The following HERC4 variants were observed in gnomAD, a reference collection of about 807,000 sequenced individuals.
The protein encoded by HERC4 is probable E3 ubiquitin-protein ligase HERC4.
In HERC4, 28 loss-of-function variants were observed where a neutral mutation model predicts 124.3. That is an observed-to-expected ratio of 0.23 (90% CI 0.17 to 0.31). The LOEUF (loss-of-function observed/expected upper bound fraction) is 0.31. Among genes scored for constraint, HERC4 ranks in the 10% least tolerant of loss-of-function variants. HERC4 has a pLI of 1.00. For synonymous variants in HERC4, 407 were observed against 421.5 expected (o/e 0.97, Z 0.42); for missense variants, 713 against 1,229.3 (o/e 0.58, Z 6.28).
intron 3 of HERC4, among the ~76,000 whole-genome samples, chr10:68,046,745 T>A (rs2040030400): frequency 6.6e-6 from 1 of 152,268 alleles, no homozygotes; most frequent in East Asian, 1.9e-4. Context: ...GGTGGGAGGA[T>A]CACTTGAACC....
At chr10:67,962,568 T>A (rs2034593246) in intron 16 of HERC4, among the ~76,000 whole-genome samples, 1 of 151,816 alleles carries the variant, frequency 6.6e-6, no homozygotes, top group South Asian at 2.1e-4. Flanking sequence ...AGAGAGATGA[T>A]TAGACATTAG....
At chr10:67,927,428 ATATT>A (rs1295909999) in intron 23 of HERC4, among the ~76,000 whole-genome samples, 8 of 25,626 alleles carry the variant, frequency 3.1e-4, no homozygotes, top group Non-Finnish European at 9.3e-4. Context: ...ATATATATAT[ATATT>A]TTTTTTTTTT....
At chr10:67,996,988 GA>G (rs781121549) in intron 9 of HERC4, among the ~76,000 whole-genome samples, 3 of 143,394 alleles carry the variant, frequency 2.1e-5, no homozygotes, top group African/African-American at 5.4e-5. Context: ...ACTCCGTCTC[GA>G]AAAAAAAAAG....
At chr10:67,939,693 AT>A (rs1564930196) in intron 20 of HERC4, 39 bp from the exon 21 acceptor site, 1 of 1,270,688 alleles carries the variant, frequency 7.9e-7, no homozygotes, top group South Asian at 1.3e-5. Context: ...GGAAAAAATT[AT>A]TGGATATTTT....
chr10:67,956,894 G>T lies in HERC4; in HGVS notation c.2009C>A (p.Ala670Glu). The T allele has an allele frequency of 6.3e-7, 1 of 1,579,812 alleles. No individual in the cohort carries two copies. Among genetic ancestry groups the T allele is most frequent in the Non-Finnish European group, 8.6e-7 (1 of 1,163,716 alleles). ...QAKTTLLQTDAVLQMQMAIDQ... is the reference protein window; with the variant it reads ...QAKTTLLQTDEVLQMQMAIDQ... ...ATATTTTACCTGCATCTGTAAGACTGCATCGGTCTGTAACAGAGTAGTTTT... is the reference window on the plus strand; with the variant it reads ...ATATTTTACCTGCATCTGTAAGACTTCATCGGTCTGTAACAGAGTAGTTTT... Residue 670 changes from alanine (A) to glutamate (E), a missense_variant, in exon 17 of 25, where the codon GCA becomes GAA. Transcript: ENST00000373700.
chr10:67,976,651 G>A (rs540263729), intron 15 of HERC4, among the ~76,000 whole-genome samples: 50 of 152,182 alleles, frequency 3.3e-4, no homozygotes, highest in African/African-American at 1.2e-3. Context: ...CTGAAAAAAA[G>A]AGATACAAAA....
At chr10:68,060,516 G>A (rs2040951002) in intron 3 of HERC4, among the ~76,000 whole-genome samples, 1 of 152,134 alleles carries the variant, frequency 6.6e-6, no homozygotes, top group Admixed American at 6.5e-5. Context: ...TGGGAATACA[G>A]GCGTGAGCCA....
chr10:67,974,125 CACAG>C lies in HERC4; in HGVS notation c.1807-7327_1807-7324del, dbSNP rs1215135757. 1.2e-4 allele frequency among the ~76,000 whole-genome samples: 17 copies of C among 137,886 alleles called. No individual in the cohort carries two copies. The East Asian group carries it at 1.9e-3, about 15-fold the overall frequency. The allele number at this position is 137,886 out of a possible 152,430, so 90.5% of individuals were successfully genotyped here. A position where few individuals can be genotyped will look rare whatever the true frequency, so the allele number is the denominator to read the frequency against. On this transcript the variant is annotated intron_variant, in intron 15 of 24. Transcript: ENST00000373700. ...ACACACACACACACACACACATACA[CACAG>C]GGTCAGGAAAACAAGACAACCTTTC...
intron 21 of HERC4, among the ~76,000 whole-genome samples, chr10:67,938,016 T>C (rs1385374164): frequency 2.0e-5 from 3 of 152,080 alleles, no homozygotes; most frequent in Non-Finnish European, 2.9e-5. Context: ...GAAAAAATTA[T>C]GAACATGCAA....
In HERC4 at chr10:68,048,823, A is replaced by C. The variant is rs1311592904; in HGVS notation, c.227-4260T>G. On this transcript the variant is annotated intron_variant, in intron 3 of 24. Coordinates refer to ENST00000373700, the MANE Select transcript of HERC4 (RefSeq NM_015601.4). ...CCCTGAACCTAAAACACTGCTCTAA[A>C]AAGAAAGGGTATTTTTTAAATTTGT... 2.0e-5 allele frequency among the ~76,000 whole-genome samples: 3 copies of C among 152,172 alleles called. No homozygotes were observed. The East Asian group carries it at 5.8e-4, about 29-fold the overall frequency.
At chr10:68,071,297 G>C (rs117723916) in intron 3 of HERC4, among the ~76,000 whole-genome samples, 1 of 152,316 alleles carries the variant, frequency 6.6e-6, no homozygotes, top group East Asian at 1.9e-4. Flanking sequence ...GTTGGAGGCT[G>C]TTCCTGGCAC....
intron 9 of HERC4, among the ~76,000 whole-genome samples, chr10:68,009,577 C>T (rs1346970687): frequency 6.6e-6 from 1 of 152,184 alleles, no homozygotes; most frequent in African/African-American, 2.4e-5. Context: ...TCATTGTCAA[C>T]ATTGATGGCT....
At chr10:67,930,098 G>T (rs1204969832) in intron 23 of HERC4, among the ~76,000 whole-genome samples, 1 of 151,708 alleles carries the variant, frequency 6.6e-6, no homozygotes, top group Non-Finnish European at 1.5e-5. Context: ...GAGCCACCGC[G>T]CCCGGCCCAG....
chr10:67,923,520 T>A (rs531481088), intron 24 of HERC4, among the ~76,000 whole-genome samples: 37 of 152,304 alleles, frequency 2.4e-4, no homozygotes, highest in African/African-American at 8.9e-4. Flanking sequence ...TTTCTGTTAT[T>A]TTTTTTAAAT....
chr10:68,054,185 C>T (rs1267386771), intron 3 of HERC4, among the ~76,000 whole-genome samples: 7 of 152,042 alleles, frequency 4.6e-5, no homozygotes, highest in Admixed American at 3.9e-4. Context: ...AGATACCATA[C>T]TATAAAATAA....
At chr10:67,958,635 T>C (rs2034297095) in intron 16 of HERC4, among the ~76,000 whole-genome samples, 1 of 152,178 alleles carries the variant, frequency 6.6e-6, no homozygotes, top group South Asian at 2.1e-4. Context: ...GTGCTAGAAC[T>C]TTATATATTA....
chr10:67,946,064 G>A (rs2033300894), intron 19 of HERC4, among the ~76,000 whole-genome samples: 1 of 151,808 alleles, frequency 6.6e-6, no homozygotes, highest in Non-Finnish European at 1.5e-5. Context: ...ACCAGCCTGG[G>A]CAACATGGTG....
intron 7 of HERC4, among the ~76,000 whole-genome samples, chr10:68,028,758 T>G (rs1283790525): frequency 6.6e-6 from 1 of 152,212 alleles, no homozygotes; most frequent in South Asian, 2.1e-4. Context: ...TCCTATAGTT[T>G]TAGATCTATC....
Position 67,940,948 on chromosome 10 carries a change from T to C in HERC4, c.2495A>G (p.Asp832Gly), listed in dbSNP as rs75365849. The change falls in exon 20 of 25, where the codon GAT (aspartate) becomes GGT (glycine). Residue 832 changes from aspartate to glycine, a missense_variant. By Grantham distance (94) the Asp-to-Gly change is moderately conservative. Transcript: ENST00000373700. ...SLDDLKELMPDVGRSMQQLLD... is the reference protein window; with the variant it reads ...SLDDLKELMPGVGRSMQQLLD... ...TTTTTTTCCAACTAACCTCCCAACA[T>C]CAGGCATTAGTTCTTTCAAATCATC... 6.1e-5 allele frequency: 98 copies of C among 1,609,874 alleles called. No individual in the cohort carries two copies. In the East Asian group the frequency reaches 2.2e-3, roughly 36 times the overall value.
Sources: allele counts gnomAD v4.1 joint callset (sites outside exome capture counted in the v4.1 genomes callset), GRCh38; gene constraint gnomAD v4.1.1; transcripts MANE v1.5; gene names NCBI Gene and HGNC (gene_info 2026-07-23, HGNC 2026-07-21).